SETBP1: variants seen among roughly 807,000 people sequenced by gnomAD.
The protein encoded by SETBP1 is SET-binding protein.
SETBP1 carries 9 observed loss-of-function variants against 101.0 expected under a neutral mutation model. The observed-to-expected ratio is 0.09, with a 90% confidence interval of 0.05 to 0.16. The LOEUF (loss-of-function observed/expected upper bound fraction) is 0.16, where lower values mean the gene tolerates loss of function less well. Among genes scored for constraint, SETBP1 ranks in the 10% least tolerant of loss-of-function variants. The pLI is 1.00. For synonymous variants in SETBP1, 818 were observed against 788.5 expected (o/e 1.04, Z -0.63); for missense variants, 1,858 against 2,033.8 (o/e 0.91, Z 1.66).
At position 44,838,483 on chromosome 18, in the gene SETBP1, T is replaced by C. The variant is rs528842839; in HGVS notation, c.487-30747T>C. On this transcript the variant is annotated intron_variant, in intron 2 of 5. Coordinates refer to ENST00000649279, the MANE Select transcript of SETBP1 (RefSeq NM_015559.3). ...ACCATGAAGATGCTCTTTATCCAGA[T>C]ACTGGGAACATCTGGGTCCCTTGCT... Among the ~76,000 whole-genome samples, 123 of 152,288 alleles carry C rather than the reference T, an allele frequency of 8.1e-4. 1 individual carries two copies. Among genetic ancestry groups the C allele is most frequent in the African/African-American group, 2.8e-3 (118 of 41,562 alleles).
chr18:44,715,482 G>A (rs1437971760), intron 2 of SETBP1, among the ~76,000 whole-genome samples: 1 of 152,100 alleles, frequency 6.6e-6, no homozygotes, highest in African/African-American at 2.4e-5. Context: ...TTCCATGAGC[G>A]CTGACTAGCC....
chr18:45,012,103 G>A (rs2072850928), intron 4 of SETBP1, among the ~76,000 whole-genome samples: 1 of 152,184 alleles, frequency 6.6e-6, no homozygotes, highest in Admixed American at 6.5e-5. Context: ...GTGATACAAT[G>A]CAGTCAGGAT....
At chr18:44,750,323 C>T (rs1416633670) in intron 2 of SETBP1, among the ~76,000 whole-genome samples, 1 of 152,118 alleles carries the variant, frequency 6.6e-6, no homozygotes, top group East Asian at 1.9e-4. Context: ...CTAGCTATAG[C>T]CTCACAGGGC....
chr18:44,775,975 C>T (rs1378299202), intron 2 of SETBP1, among the ~76,000 whole-genome samples: 1 of 152,182 alleles, frequency 6.6e-6, no homozygotes, highest in Non-Finnish European at 1.5e-5. Context: ...CTGTCTCTAT[C>T]CCTTAATTGC....
intron 2 of SETBP1, among the ~76,000 whole-genome samples, chr18:44,788,584 C>A (rs8091505): frequency 0.2 from 29,854 of 151,956 alleles, 3,036 homozygotes; most frequent in South Asian, 0.3. Flanking sequence ...AAGACCTTAT[C>A]TTTGCAGTAT....
At chr18:44,871,400 C>A (rs1405510092) in intron 3 of SETBP1, 5 of 152,192 alleles carry the variant, frequency 3.3e-5, no homozygotes, top group African/African-American at 1.2e-4. Flanking sequence ...CACAATAATG[C>A]ATGGGTGTGT....
chr18:44,957,039 C>G (rs1276007635), intron 4 of SETBP1, among the ~76,000 whole-genome samples: 1 of 152,116 alleles, frequency 6.6e-6, no homozygotes, highest in Non-Finnish European at 1.5e-5. Flanking sequence ...AAATGCTTGC[C>G]TGGGACCAGA....
At chr18:44,699,813 C>T (rs553484854) in intron 1 of SETBP1, among the ~76,000 whole-genome samples, 50 of 152,340 alleles carry the variant, frequency 3.3e-4, no homozygotes, top group South Asian at 2.5e-3. Flanking sequence ...CTGGCTTCCT[C>T]ACAGGGCGTC....
rs539464946 is a variant in SETBP1 at position 44,868,698 on chromosome 18, GGACGGAAGGAAGGGAGGA to G, written c.487-531_487-514del. On this transcript the variant is annotated intron_variant, in intron 2 of 5. Transcript: ENST00000649279. ...AGAGAGAGAGAGAGAGAGAGAGAGA[GGACGGAAGGAAGGGAGGA>G]AGGAAGGAAGGAAGGAAGGAAGGAA... Among the ~76,000 whole-genome samples, 389 of 69,210 alleles carry G rather than the reference GGACGGAAGGAAGGGAGGA, an allele frequency of 5.6e-3. 28 individuals are homozygous for G. Among genetic ancestry groups the G allele is most frequent in the African/African-American group, 0.02 (349 of 17,566 alleles). The allele number at this position is 69,210 out of a possible 152,430, so 45.4% of individuals were successfully genotyped here.
intron 4 of SETBP1, among the ~76,000 whole-genome samples, chr18:44,994,298 G>A (rs2072445273): frequency 1.3e-5 from 2 of 152,074 alleles, no homozygotes; most frequent in Admixed American, 1.3e-4. Context: ...GATTACTCTT[G>A]TAATCCAGGA....
intron 2 of SETBP1, among the ~76,000 whole-genome samples, chr18:44,729,852 G>T: frequency 6.6e-6 from 1 of 152,348 alleles, no homozygotes; most frequent in East Asian, 1.9e-4. Flanking sequence ...AACCCCAGGA[G>T]GTCCCGGGGA....
chr18:44,836,116 A>G (rs1368966794), intron 2 of SETBP1, among the ~76,000 whole-genome samples: 3 of 53,382 alleles, frequency 5.6e-5, no homozygotes, highest in African/African-American at 1.6e-4. Context: ...TACTCTCTAT[A>G]AGCTTTTTTT....
intron 1 of SETBP1, among the ~76,000 whole-genome samples, chr18:44,687,776 A>G (rs945142828): frequency 2.0e-5 from 3 of 151,878 alleles, no homozygotes; most frequent in Admixed American, 6.6e-5. Context: ...CACTCATGTC[A>G]TGGATCTAGT....
chr18:44,796,064 G>A (rs1001341502), intron 2 of SETBP1, among the ~76,000 whole-genome samples: 2 of 152,122 alleles, frequency 1.3e-5, no homozygotes, highest in African/African-American at 4.8e-5. Flanking sequence ...GATGGGATAC[G>A]ACATAATCAA....
intron 2 of SETBP1, among the ~76,000 whole-genome samples, chr18:44,765,635 G>C (rs547071572): frequency 1.3e-5 from 2 of 152,168 alleles, no homozygotes; most frequent in Non-Finnish European, 2.9e-5. Context: ...CCCAATGACA[G>C]TAACCTCATC....
chr18:44,691,643 T>C (rs1246202818), intron 1 of SETBP1, among the ~76,000 whole-genome samples: 1 of 152,186 alleles, frequency 6.6e-6, no homozygotes, highest in African/African-American at 2.4e-5. Context: ...CCTTTCCTTA[T>C]CATAGAGATC....
At chr18:44,915,389 G>A (rs1312477812) in intron 3 of SETBP1, among the ~76,000 whole-genome samples, 1 of 152,214 alleles carries the variant, frequency 6.6e-6, no homozygotes, top group Admixed American at 6.5e-5. Flanking sequence ...CAACTAATCA[G>A]TGAGTCAATT....
chr18:44,816,797 A>G (rs899198208), intron 2 of SETBP1, among the ~76,000 whole-genome samples: 6 of 152,096 alleles, frequency 3.9e-5, no homozygotes, highest in Admixed American at 3.9e-4. Flanking sequence ...TAGGATTTTT[A>G]AAAAAACACC....
chr18:44,960,102 G>T (rs1202215509), intron 4 of SETBP1, among the ~76,000 whole-genome samples: 1 of 151,920 alleles, frequency 6.6e-6, no homozygotes, highest in Non-Finnish European at 1.5e-5. Flanking sequence ...TCACCATGTT[G>T]GCCGGGCTTG....
Sources: gnomAD v4.1 joint callset for allele counts (sites outside exome capture counted in the v4.1 genomes callset) on GRCh38, gnomAD v4.1.1 for gene constraint, MANE v1.5 for transcripts, NCBI Gene and HGNC (gene_info 2026-07-23, HGNC 2026-07-21) for gene names.